Variants in DTNA observed in about 807,000 individuals in gnomAD.
The protein encoded by DTNA is dystrobrevin alpha.
In DTNA, 43 loss-of-function variants were observed where a neutral mutation model predicts 100.7. That is an observed-to-expected ratio of 0.43 (90% CI 0.33 to 0.55). DTNA has a LOEUF of 0.55. DTNA is among the 20% of genes least tolerant of loss of function. The probability of loss-of-function intolerance (pLI) is 0.04; values close to 1 mark genes in which losing one functional copy is unlikely to be tolerated. For missense variants in DTNA, 798 were observed against 953.9 expected, an observed-to-expected ratio of 0.84 and a Z score of 2.15; for synonymous variants, 349 against 347.9, an observed-to-expected ratio of 1.00 and a Z score of -0.04.
intron 17 of DTNA, among the ~76,000 whole-genome samples, chr18:34,864,300 G>GA (rs1275019494): frequency 2.7e-5 from 4 of 148,008 alleles, no homozygotes; most frequent in African/African-American, 1.0e-4. Context: ...GCCCAGGCTG[G>GA]AGTGCAGTGG....
chr18:34,495,844 T>G (rs1308946513), intron 1 of DTNA, among the ~76,000 whole-genome samples: 4 of 151,318 alleles, frequency 2.6e-5, no homozygotes, highest in African/African-American at 7.3e-5. Context: ...GAGCTCCAAC[T>G]TACTTAGAGA....
At chr18:34,707,426 T>A (rs143353446), upstream of DTNA, among the ~76,000 whole-genome samples, 5 of 152,294 alleles carry the variant, frequency 3.3e-5, no homozygotes, top group Non-Finnish European at 7.4e-5. Flanking sequence ...AAAAGGGGAT[T>A]TAAAACTTTG....
At chr18:34,750,758 C>G (rs1296456224) in intron 1 of DTNA, among the ~76,000 whole-genome samples, 1 of 152,072 alleles carries the variant, frequency 6.6e-6, no homozygotes. Context: ...TGTAAGGCAC[C>G]ATTAGTTTCA....
intron 1 of DTNA, among the ~76,000 whole-genome samples, chr18:34,580,716 A>G (rs2048532326): frequency 6.6e-6 from 1 of 152,160 alleles, no homozygotes; most frequent in African/African-American, 2.4e-5. Context: ...CAAGCTTTCC[A>G]GGTATATGGA....
intron 22 of DTNA, 62 bp from the exon 23 acceptor site, chr18:34,887,704 C>A (rs2096935522): frequency 1.0e-6 from 1 of 984,898 alleles, no homozygotes; most frequent in African/African-American, 1.7e-5. Context: ...TCCTAAGTTT[C>A]ATAACCCTAA....
At chr18:34,656,418 C>A (rs1454442437) in intron 1 of DTNA, among the ~76,000 whole-genome samples, 1 of 152,170 alleles carries the variant, frequency 6.6e-6, no homozygotes, top group East Asian at 1.9e-4. Flanking sequence ...AAATGTCTGA[C>A]AATTGTGTCG....
intron 13 of DTNA, among the ~76,000 whole-genome samples, chr18:34,844,822 A>C (rs138302773): frequency 2.0e-5 from 3 of 152,286 alleles, no homozygotes; most frequent in Admixed American, 1.3e-4. Flanking sequence ...GTTCCCAAAA[A>C]TCTTTGCTAA....
At chr18:34,849,130 CTA>C (rs1394738362) in intron 14 of DTNA, among the ~76,000 whole-genome samples, 3 of 152,118 alleles carry the variant, frequency 2.0e-5, no homozygotes, top group Non-Finnish European at 4.4e-5. Flanking sequence ...CCAGGACAGG[CTA>C]AAAGTGTACT....
chr18:34,760,595 A>G (rs969328091), intron 2 of DTNA, among the ~76,000 whole-genome samples: 4 of 152,172 alleles, frequency 2.6e-5, no homozygotes, highest in Non-Finnish European at 5.9e-5. Flanking sequence ...CTCCACTAAT[A>G]GTGCCCATCA....
At chr18:34,644,080 TA>T (rs908097861) in intron 1 of DTNA, among the ~76,000 whole-genome samples, 4 of 152,108 alleles carry the variant, frequency 2.6e-5, no homozygotes, top group East Asian at 1.9e-4. Flanking sequence ...ATATTTTAAA[TA>T]AAAAAAATAA....
chr18:34,511,526 A>G (rs532227734), intron 1 of DTNA, among the ~76,000 whole-genome samples: 1 of 152,190 alleles, frequency 6.6e-6, no homozygotes, highest in East Asian at 1.9e-4. Context: ...CATCTAAGTA[A>G]GCAATCAAAT....
chr18:34,566,833 TA>T (rs1313639821), intron 1 of DTNA, among the ~76,000 whole-genome samples: 1 of 152,210 alleles, frequency 6.6e-6, no homozygotes, highest in Non-Finnish European at 1.5e-5. Flanking sequence ...ATCTTGAGAA[TA>T]AAAGGAGCCT....
At chr18:34,764,956 T>C (rs1374736922) in intron 2 of DTNA, among the ~76,000 whole-genome samples, 1 of 152,182 alleles carries the variant, frequency 6.6e-6, no homozygotes, top group African/African-American at 2.4e-5. Flanking sequence ...AGTCTAGAGA[T>C]TAACTCATTC....
chr18:34,794,346 T>C, intron 4 of DTNA, 96 bp downstream of exon 4: 3 of 568,380 alleles, frequency 5.3e-6, no homozygotes, highest in Non-Finnish European at 5.3e-6. Context: ...TATCTCTCTC[T>C]TTTTTTTTTT....
At chr18:34,832,213 A>T (rs1341610571) in intron 11 of DTNA, among the ~76,000 whole-genome samples, 1 of 152,236 alleles carries the variant, frequency 6.6e-6, no homozygotes, top group Non-Finnish European at 1.5e-5. Context: ...TTGTAAATCA[A>T]CATCTGGCAC....
At chr18:34,792,064 G>T (rs992666240) in intron 3 of DTNA, among the ~76,000 whole-genome samples, 10 of 149,026 alleles carry the variant, frequency 6.7e-5, no homozygotes, top group Non-Finnish European at 1.2e-4. Flanking sequence ...CCAAGTAAAG[G>T]ACACAGTAAC....
chr18:34,734,203 C>T (rs1212569120), intron 1 of DTNA, among the ~76,000 whole-genome samples: 5 of 152,136 alleles, frequency 3.3e-5, no homozygotes, highest in Non-Finnish European at 5.9e-5. Context: ...CATTATCTTG[C>T]TTGACAACTG....
At chr18:34,715,059 G>A (rs1789654731) in intron 1 of DTNA, among the ~76,000 whole-genome samples, 1 of 144,728 alleles carries the variant, frequency 6.9e-6, no homozygotes, top group African/African-American at 2.6e-5. Context: ...GACTGTTGTG[G>A]GATGGGGGGA....
chr18:34,516,951 A>G (rs1172023062), intron 1 of DTNA, among the ~76,000 whole-genome samples: 1 of 152,114 alleles, frequency 6.6e-6, no homozygotes, highest in African/African-American at 2.4e-5. Flanking sequence ...AAGAGTATTG[A>G]TTGGGGAAGT....
Sources: gnomAD v4.1 joint callset for allele counts (sites outside exome capture counted in the v4.1 genomes callset) on GRCh38, gnomAD v4.1.1 for gene constraint, MANE v1.5 for transcripts, NCBI Gene and HGNC (gene_info 2026-07-23, HGNC 2026-07-21) for gene names.